CSMD1: variants seen among roughly 807,000 people sequenced by gnomAD.
The protein encoded by CSMD1 is CUB and sushi domain-containing protein 1.
In CSMD1, 213 loss-of-function variants were observed where a neutral mutation model predicts 417.5. That is an observed-to-expected ratio of 0.51 (90% confidence interval 0.46 to 0.57). The LOEUF is 0.57. CSMD1 is among the 20% of genes least tolerant of loss of function. The pLI is 0.00. For synonymous variants in CSMD1, 2,862 were observed against 1,736.8 expected, an observed-to-expected ratio of 1.65 and a Z score of -16.11; for missense variants, 6,923 against 4,529.7, an observed-to-expected ratio of 1.53 and a Z score of -15.17.
chr8:4,857,086 C>A (rs980766860), intron 1 of CSMD1, among the ~76,000 whole-genome samples: 1 of 149,352 alleles, frequency 6.7e-6, no homozygotes, highest in Non-Finnish European at 1.5e-5. Flanking sequence ...ACAGTGCAAT[C>A]AAACTAGAAT....
At chr8:4,515,217 G>C (rs1343810211) in intron 2 of CSMD1, among the ~76,000 whole-genome samples, 1 of 152,174 alleles carries the variant, frequency 6.6e-6, no homozygotes, top group South Asian at 2.1e-4. Context: ...TATTTAATGA[G>C]TCTCTATTAC....
chr8:4,245,339 G>T (rs1451527008), intron 3 of CSMD1, among the ~76,000 whole-genome samples: 1 of 152,174 alleles, frequency 6.6e-6, no homozygotes, highest in African/African-American at 2.4e-5. Context: ...GGCTGCAGAG[G>T]GTTGGGGTGG....
At chr8:4,556,876 C>G (rs1235200173) in intron 2 of CSMD1, among the ~76,000 whole-genome samples, 2 of 152,132 alleles carry the variant, frequency 1.3e-5, no homozygotes, top group East Asian at 1.9e-4. Flanking sequence ...TGCAATGATT[C>G]CAAACTCCCT....
chr8:4,976,541 C>T (rs1373587879), intron 1 of CSMD1, among the ~76,000 whole-genome samples: 1 of 152,158 alleles, frequency 6.6e-6, no homozygotes, highest in Non-Finnish European at 1.5e-5. Flanking sequence ...TCAATACTTA[C>T]AAAATTATTG....
intron 7 of CSMD1, among the ~76,000 whole-genome samples, chr8:3,658,167 T>G (rs950899114): frequency 6.6e-6 from 1 of 152,010 alleles, no homozygotes; most frequent in African/African-American, 2.4e-5. Context: ...AGAATGTAAC[T>G]CCAGAAGATA....
chr8:3,280,004 G>A (rs564270829), intron 26 of CSMD1, among the ~76,000 whole-genome samples: 31 of 152,324 alleles, frequency 2.0e-4, no homozygotes, highest in Middle Eastern at 3.4e-3. Flanking sequence ...CAGAGATCCG[G>A]AAAGAGATGG....
chr8:4,835,173 T>C (rs993194140), intron 1 of CSMD1, among the ~76,000 whole-genome samples: 1 of 151,650 alleles, frequency 6.6e-6, no homozygotes, highest in Non-Finnish European at 1.5e-5. Context: ...AGGTTGGAAA[T>C]GAAGCGAAGG....
At chr8:3,944,142 G>A (rs1170417388) in intron 5 of CSMD1, among the ~76,000 whole-genome samples, 1 of 152,076 alleles carries the variant, frequency 6.6e-6, no homozygotes, top group Non-Finnish European at 1.5e-5. Flanking sequence ...CTTAGTGAAG[G>A]CTACACAGAA....
chr8:4,446,622 C>T (rs896030179), intron 2 of CSMD1, among the ~76,000 whole-genome samples: 3 of 152,126 alleles, frequency 2.0e-5, no homozygotes, highest in Non-Finnish European at 4.4e-5. Flanking sequence ...AGCGCGATCT[C>T]AGCTCACTGC....
At chr8:2,948,952 T>C (rs1196728226) in intron 68 of CSMD1, among the ~76,000 whole-genome samples, 2 of 151,884 alleles carry the variant, frequency 1.3e-5, no homozygotes, top group African/African-American at 4.8e-5. Flanking sequence ...TGTTGGCCAC[T>C]TTTAATTACT....
chr8:4,576,841 A>T (rs1799160496), intron 2 of CSMD1, among the ~76,000 whole-genome samples: 1 of 152,180 alleles, frequency 6.6e-6, no homozygotes, highest in Non-Finnish European at 1.5e-5. Context: ...TTTTAATTTC[A>T]TGTACATTTC....
At chr8:2,958,128 TC>T (rs1411872385) in intron 62 of CSMD1, among the ~76,000 whole-genome samples, 2 of 152,202 alleles carry the variant, frequency 1.3e-5, no homozygotes, top group African/African-American at 2.4e-5. Context: ...TTCATTTTTT[TC>T]CTGCCACTCA....
intron 3 of CSMD1, among the ~76,000 whole-genome samples, chr8:4,144,025 A>G (rs1204863081): frequency 6.6e-6 from 1 of 151,174 alleles, no homozygotes; most frequent in Non-Finnish European, 1.5e-5. Context: ...GGCTATAGAG[A>G]AAGCAGCCTT....
chr8:4,642,003 T>C (rs1018644754), intron 1 of CSMD1, among the ~76,000 whole-genome samples: 6 of 152,152 alleles, frequency 3.9e-5, no homozygotes, highest in African/African-American at 9.7e-5. Flanking sequence ...ATGTGAACAA[T>C]TTGGATTTGG....
intron 3 of CSMD1, among the ~76,000 whole-genome samples, chr8:4,299,378 T>C (rs909505270): frequency 5.3e-5 from 8 of 152,152 alleles, no homozygotes; most frequent in Admixed American, 1.3e-4. Context: ...TCTGAAGTGA[T>C]TGTAGATAAC....
chr8:4,170,008 A>G (rs2131132705), intron 3 of CSMD1, among the ~76,000 whole-genome samples: 2 of 151,876 alleles, frequency 1.3e-5, no homozygotes, highest in Middle Eastern at 6.8e-3. Flanking sequence ...AGCCTAAGAG[A>G]TCGTAAAATC....
intron 7 of CSMD1, among the ~76,000 whole-genome samples, chr8:3,644,966 G>GAAAA (rs71203456): frequency 0.017 from 1,114 of 64,470 alleles, 138 homozygotes; most frequent in African/African-American, 0.083. Context: ...GGCTTTAAAT[G>GAAAA]AAAAAAAAAA....
chr8:4,326,878 C>G (rs191959368), intron 3 of CSMD1, among the ~76,000 whole-genome samples: 6 of 152,028 alleles, frequency 3.9e-5, no homozygotes, highest in Admixed American at 3.9e-4. Context: ...TTAACTTGGA[C>G]TATTTTACAT....
At chr8:4,661,916 T>C in intron 1 of CSMD1, among the ~76,000 whole-genome samples, 1 of 152,188 alleles carries the variant, frequency 6.6e-6, no homozygotes, top group East Asian at 1.9e-4. Context: ...TCACAATCAG[T>C]ATCTTTTAAT....
Sources: allele counts gnomAD v4.1 joint callset (sites outside exome capture counted in the v4.1 genomes callset), GRCh38; gene constraint gnomAD v4.1.1; transcripts MANE v1.5; gene names NCBI Gene and HGNC (gene_info 2026-07-23, HGNC 2026-07-21).